The following FRAS1 variants were observed in gnomAD, a reference collection of about 807,000 sequenced individuals.
FRAS1 encodes the protein extracellular matrix organizing protein FRAS1.
In FRAS1, 290 loss-of-function variants were observed where a neutral mutation model predicts 435.2. The ratio of observed to expected loss-of-function variants is 0.67; its 90% CI spans 0.61 to 0.73. FRAS1 has a LOEUF of 0.73. FRAS1 is among the 30% of genes least tolerant of loss of function. FRAS1 has a pLI of 0.00. For synonymous variants in FRAS1, 1,800 were observed against 1,851.0 expected, an observed-to-expected ratio of 0.97 and a Z score of 0.71; for missense variants, 4,860 against 5,001.5, an observed-to-expected ratio of 0.97 and a Z score of 0.85.
intron 25 of FRAS1, 24 bp from the exon 26 acceptor site, chr4:78,375,715 A>G (rs770409869): frequency 1.9e-6 from 3 of 1,545,634 alleles, no homozygotes; most frequent in African/African-American, 2.8e-5. Context: ...ATTGAGCCTC[A>G]TTTAGTGTTT....
At chr4:78,500,285 A>T (rs748731808) in intron 61 of FRAS1, among the ~76,000 whole-genome samples, 1 of 152,198 alleles carries the variant, frequency 6.6e-6, no homozygotes, top group Non-Finnish European at 1.5e-5. Flanking sequence ...GTCAAGGATT[A>T]CTACATCTGA....
Position 78,496,813 on chromosome 4 carries a change from C to T in FRAS1, c.8967C>T (p.Asn2989=). ...ITFLKGDKVK[N]CTVYIHDDSM... ...TGTGCCATTGGCTCTAGGTGAAGAA[C>T]TGTACGGTCTATATCCACGATGACT... Residue 2989 remains asparagine (N), a synonymous_variant, in exon 60 of 74, where the codon AAC becomes AAT. Transcript: ENST00000512123. The T allele has an allele frequency of 6.2e-7, 1 of 1,612,538 alleles. No homozygotes were observed. Among genetic ancestry groups the T allele is most frequent in the Non-Finnish European group, 8.5e-7 (1 of 1,179,348 alleles).
chr4:78,208,900 A>G (rs1446668507), intron 2 of FRAS1, among the ~76,000 whole-genome samples: 2 of 152,076 alleles, frequency 1.3e-5, no homozygotes, highest in African/African-American at 2.4e-5. Context: ...ACTTTGGGAG[A>G]CCAAGGTGAG....
rs1048404318 is a variant in FRAS1 at position 78,117,181 on chromosome 4, G to A, written c.108+51165G>A. Among the ~76,000 whole-genome samples, 7 of 152,320 alleles carry A rather than the reference G, an allele frequency of 4.6e-5. No homozygotes were observed. The East Asian group carries it at 5.8e-4, about 13-fold the overall frequency. On this transcript the variant is annotated intron_variant, in intron 2 of 73. Coordinates refer to ENST00000512123, the MANE Select transcript of FRAS1 (RefSeq NM_025074.7). ...GGCCCCCACTCTCTTCTGGCTTGTA[G>A]AGTTTCTGCCAAGAGATCAGCTGTT...
chr4:78,532,646 CTCTT>C (rs1721753436), intron 70 of FRAS1, among the ~76,000 whole-genome samples: 1 of 152,106 alleles, frequency 6.6e-6, no homozygotes, highest in African/African-American at 2.4e-5. Context: ...AACCACTGTT[CTCTT>C]TGTTTCTGTG....
chr4:78,151,819 G>A (rs576801719), intron 2 of FRAS1, among the ~76,000 whole-genome samples: 4 of 152,038 alleles, frequency 2.6e-5, no homozygotes, highest in Non-Finnish European at 5.9e-5. Context: ...TGCTTTCCTT[G>A]GCTCCCTGGA....
chr4:78,498,128 CATACCTAATGTAGGTGAT>C (rs1405046971), intron 60 of FRAS1, among the ~76,000 whole-genome samples: 2 of 152,004 alleles, frequency 1.3e-5, no homozygotes, highest in African/African-American at 4.8e-5. Flanking sequence ...CATTAGGAGA[CATACCTAATGTAGGTGAT>C]GGGTCGGTGG....
At chr4:78,454,889 C>T (rs1350863893) in intron 47 of FRAS1, among the ~76,000 whole-genome samples, 2 of 152,160 alleles carry the variant, frequency 1.3e-5, no homozygotes, top group Admixed American at 6.5e-5. Context: ...AGCTGTGGTT[C>T]GGGAGAGGCC....
At chr4:78,454,241 G>A (rs781661602) in intron 47 of FRAS1, among the ~76,000 whole-genome samples, 7 of 152,006 alleles carry the variant, frequency 4.6e-5, no homozygotes, top group South Asian at 2.1e-4. Context: ...GGCAGGTTCC[G>A]TCAGACAAAT....
chr4:78,372,155 T>C (rs1330159806), intron 23 of FRAS1, among the ~76,000 whole-genome samples: 1 of 152,246 alleles, frequency 6.6e-6, no homozygotes, highest in Non-Finnish European at 1.5e-5. Flanking sequence ...TAGCAACCTC[T>C]TTCTTTCTGG....
Position 78,288,049 on chromosome 4 carries a change from A to ACTAC in FRAS1, c.1534+1512_1534+1515dup, listed in dbSNP as rs1256595152. The stretch of plus-strand genomic sequence containing the variant: ...GTGTGATGAATGAATGAATGAGAAT[A>ACTAC]CTACCAGTTGGTGGTCCTTCAAAGA... On this transcript the variant is annotated intron_variant, in intron 14 of 73. Coordinates refer to ENST00000512123, the MANE Select transcript of FRAS1 (RefSeq NM_025074.7). Among the ~76,000 whole-genome samples the ACTAC allele has an allele frequency of 3.9e-5, 6 of 152,198 alleles. 1 individual carries two copies. Among genetic ancestry groups the ACTAC allele is most frequent in the African/African-American group, 1.4e-4 (6 of 41,454 alleles).
intron 2 of FRAS1, among the ~76,000 whole-genome samples, chr4:78,211,436 T>C (rs1041625259): frequency 2.6e-5 from 4 of 152,194 alleles, no homozygotes; most frequent in Admixed American, 6.5e-5. Context: ...TAGAAGGGGC[T>C]ATGACTAAAA....
intron 53 of FRAS1, among the ~76,000 whole-genome samples, chr4:78,474,768 C>G (rs1719809355): frequency 6.6e-6 from 1 of 152,142 alleles, no homozygotes; most frequent in Admixed American, 6.5e-5. Flanking sequence ...AAAACAAAGC[C>G]CAGCTCATGC....
At chr4:78,525,126 G>A (rs1239915256) in intron 69 of FRAS1, among the ~76,000 whole-genome samples, 1 of 152,142 alleles carries the variant, frequency 6.6e-6, no homozygotes, top group Non-Finnish European at 1.5e-5. Context: ...GCCATGGGAT[G>A]GGGCCTTGTA....
chr4:78,338,139 A>C, intron 20 of FRAS1: 1 of 215,264 alleles, frequency 4.6e-6, no homozygotes, highest in South Asian at 8.3e-5. Context: ...AAAATAAGTC[A>C]CTCCAAGCCT....
At chr4:78,486,543 A>G (rs1720173639) in intron 58 of FRAS1, among the ~76,000 whole-genome samples, 1 of 152,210 alleles carries the variant, frequency 6.6e-6, no homozygotes, top group South Asian at 2.1e-4. Flanking sequence ...GGAGCCCTGC[A>G]GTCAGGGGAA....
Position 78,363,495 on chromosome 4 carries a change from C to A in FRAS1, c.2423-18C>A. 6.3e-7 allele frequency: 1 copy of A among 1,597,802 alleles called. No individual in the cohort carries two copies. Among genetic ancestry groups the A allele is most frequent in the Non-Finnish European group, 8.5e-7 (1 of 1,171,356 alleles). ...CATGAGCACCCGTGCCTTCTCTGTG[C>A]TCCCCTTCCCCCTCCAGACTGCCAT... On this transcript the variant is annotated intron_variant, in intron 20 of 73. Transcript: ENST00000512123.
chr4:78,124,048 T>G (rs1719188979), intron 2 of FRAS1, among the ~76,000 whole-genome samples: 1 of 152,216 alleles, frequency 6.6e-6, no homozygotes, highest in African/African-American at 2.4e-5. Context: ...CCTTGTCTTG[T>G]GCCAGTTTTC....
At chr4:78,519,200 C>T (rs757950840) in intron 66 of FRAS1, 131 bp from the exon 67 acceptor site, 1 of 682,090 alleles carries the variant, frequency 1.5e-6, no homozygotes, top group Non-Finnish European at 2.2e-6. Context: ...CAATCATGGG[C>T]ACTTGCTTAA....
Sources: gnomAD v4.1 joint callset for allele counts (sites outside exome capture counted in the v4.1 genomes callset) on GRCh38, gnomAD v4.1.1 for gene constraint, MANE v1.5 for transcripts, NCBI Gene and HGNC (gene_info 2026-07-23, HGNC 2026-07-21) for gene names.